The following SHCBP1 variants were observed in gnomAD, a reference collection of about 807,000 sequenced individuals.
SHCBP1 encodes the protein SHC SH2 domain-binding protein 1.
SHCBP1 carries 60 observed loss-of-function variants against 75.1 expected under a neutral mutation model. The observed-to-expected ratio is 0.80, with a 90% CI of 0.65 to 0.99. The LOEUF (loss-of-function observed/expected upper bound fraction) is 0.99, where lower values mean the gene tolerates loss of function less well. Among genes scored for constraint, SHCBP1 ranks in the 50% least tolerant of loss-of-function variants. The pLI is 0.00. For synonymous variants in SHCBP1, 290 were observed against 293.2 expected (o/e 0.99, Z 0.11); for missense variants, 709 against 809.4 (o/e 0.88, Z 1.50).
At chr16:46,618,736 G>A (rs1965541827) in intron 1 of SHCBP1, among the ~76,000 whole-genome samples, 1 of 152,120 alleles carries the variant, frequency 6.6e-6, no homozygotes, top group South Asian at 2.1e-4. Context: ...CAAACTCCTG[G>A]ACTCAAGCTA....
intron 10 of SHCBP1, among the ~76,000 whole-genome samples, chr16:46,588,092 G>A (rs1159323446): frequency 6.6e-6 from 1 of 151,992 alleles, no homozygotes; most frequent in Admixed American, 6.6e-5. Context: ...CGAAATGAAG[G>A]CACAAACAAA....
rs758719965 is a variant in SHCBP1, at chr16:46,618,339, C to A, written c.137G>T (p.Cys46Phe). The A allele has an allele frequency of 6.2e-7, 1 of 1,610,360 alleles. No individual in the cohort carries two copies. Residue 46 changes from cysteine to phenylalanine, a missense_variant, in exon 2 of 13, where the codon TGT becomes TTT. By Grantham distance (205) the Cys-to-Phe change is radical. Transcript: ENST00000303383. The part of the protein sequence containing the change: ...LFQDEDSCSD[C>F]SYRDKPGSSL... ...AGAACCTGGTTTATCACGGTAGCTA[C>A]AATCACTGCATGAATCTTCATCTTG...
At chr16:46,585,079 A>C (rs557424630) in intron 10 of SHCBP1, among the ~76,000 whole-genome samples, 2 of 152,312 alleles carry the variant, frequency 1.3e-5, no homozygotes, top group African/African-American at 4.8e-5. Flanking sequence ...TATGTGCAAA[A>C]AAAGATTTTG....
At chr16:46,605,230 A>G (rs1363889648) in intron 5 of SHCBP1, among the ~76,000 whole-genome samples, 3 of 152,248 alleles carry the variant, frequency 2.0e-5, no homozygotes, top group African/African-American at 7.2e-5. Flanking sequence ...GTATTTCTAG[A>G]TGCAATAAAA....
chr16:46,582,013 C>T lies in SHCBP1; in HGVS notation c.1735G>A (p.Val579Met). 1.2e-6 allele frequency: 2 copies of T among 1,613,262 alleles called. No homozygotes were observed. Among genetic ancestry groups the T allele is most frequent in the Non-Finnish European group, 1.7e-6 (2 of 1,179,646 alleles). The stretch of plus-strand genomic sequence containing the variant: ...TCTTCTAGATCCACTCTTTCAGCCA[C>T]ATCTGGCTCTCCACTTGTCTGAATT... Reference protein sequence around the residue: ...LKIQTSGEPDVAERVDLEELI... With the variant: ...LKIQTSGEPDMAERVDLEELI... Residue 579 changes from valine (V) to methionine (M), a missense_variant, in exon 13 of 13, where the codon GTG becomes ATG. Coordinates refer to ENST00000303383, the MANE Select transcript of SHCBP1 (RefSeq NM_024745.5).
intron 4 of SHCBP1, among the ~76,000 whole-genome samples, chr16:46,609,482 G>A (rs1183093059): frequency 1.9e-5 from 2 of 107,862 alleles, no homozygotes; most frequent in Non-Finnish European, 3.4e-5. Context: ...ATGGAGTCTC[G>A]CTCTTGTGGC....
chr16:46,592,737 A>C (rs958365518), intron 10 of SHCBP1, among the ~76,000 whole-genome samples: 1 of 151,920 alleles, frequency 6.6e-6, no homozygotes, highest in African/African-American at 2.4e-5. Flanking sequence ...TATAAAAATA[A>C]TTATATACCA....
At chr16:46,590,252 G>A (rs1383812544) in intron 10 of SHCBP1, among the ~76,000 whole-genome samples, 3 of 152,048 alleles carry the variant, frequency 2.0e-5, no homozygotes, top group South Asian at 2.1e-4. Flanking sequence ...CAGGACATAC[G>A]CATGGCAGGA....
At chr16:46,608,467 A>G in intron 4 of SHCBP1, 78 bp from the exon 5 acceptor site, 1 of 912,396 alleles carries the variant, frequency 1.1e-6, no homozygotes, top group African/African-American at 1.6e-5. Flanking sequence ...AGAGCTAAAG[A>G]GTAAATCAAA....
chr16:46,593,205 T>C (rs1376842234), intron 10 of SHCBP1, among the ~76,000 whole-genome samples: 1 of 151,972 alleles, frequency 6.6e-6, no homozygotes, highest in African/African-American at 2.4e-5. Flanking sequence ...TTACTCTCTA[T>C]ATAGAAAATC....
chr16:46,591,363 A>T (rs1006866472), intron 10 of SHCBP1, among the ~76,000 whole-genome samples: 1 of 152,164 alleles, frequency 6.6e-6, no homozygotes, highest in Non-Finnish European at 1.5e-5. Flanking sequence ...TAATCAAAGG[A>T]AAGCAGGTGT....
At chr16:46,592,665 A>G (rs1274525143) in intron 10 of SHCBP1, among the ~76,000 whole-genome samples, 1 of 152,070 alleles carries the variant, frequency 6.6e-6, no homozygotes, top group Non-Finnish European at 1.5e-5. Context: ...CTAGAGTCCA[A>G]TATTCATGAA....
intron 4 of SHCBP1, among the ~76,000 whole-genome samples, chr16:46,612,971 T>G (rs375157302): frequency 6.6e-6 from 1 of 152,164 alleles, no homozygotes; most frequent in African/African-American, 2.4e-5. Context: ...ATCCCCACTC[T>G]AGTCCTCTCT....
At chr16:46,595,318 A>C (rs1168845668) in intron 10 of SHCBP1, among the ~76,000 whole-genome samples, 2 of 152,184 alleles carry the variant, frequency 1.3e-5, no homozygotes, top group Non-Finnish European at 2.9e-5. Context: ...TATAATTTTA[A>C]GGGTCTAAAC....
chr16:46,581,631 T>C lies in SHCBP1; in HGVS notation c.*98A>G, dbSNP rs184151080. 1,089 of 1,132,690 alleles carry C rather than the reference T, an allele frequency of 9.6e-4. 6 individuals carry two copies. Among genetic ancestry groups the C allele is most frequent in the Middle Eastern group, 3.7e-3 (18 of 4,882 alleles). 70.2% of individuals were successfully genotyped at this position (1,132,690 alleles called of 1,614,324 possible). ...TCACTCAAGCCCAAATAATCAAATA[T>C]AAAATACAGACAATACAGCAAACTA... On this transcript the variant is annotated 3_prime_UTR_variant, in exon 13 of 13. Transcript: ENST00000303383.
At position 46,618,331 on chromosome 16, in the gene SHCBP1, G is replaced by A. The variant is rs750821378; in HGVS notation, c.145C>T (p.Arg49Cys). The A allele has an allele frequency of 9.3e-6, 15 of 1,611,720 alleles. No individual in the cohort carries two copies. Among genetic ancestry groups the A allele is most frequent in the Admixed American group, 5.0e-5 (3 of 59,672 alleles). ...TGTAAACTAGAACCTGGTTTATCAC[G>A]GTAGCTACAATCACTGCATGAATCT... ...DEDSCSDCSYRDKPGSSLQSF... is the reference protein window; with the variant it reads ...DEDSCSDCSYCDKPGSSLQSF... Residue 49 changes from arginine (R) to cysteine (C), a missense_variant, in exon 2 of 13, where the codon CGT becomes TGT. Transcript: ENST00000303383.
intron 7 of SHCBP1, 110 bp from the exon 8 acceptor site, chr16:46,603,769 A>G: frequency 7.0e-7 from 1 of 1,425,956 alleles, no homozygotes; most frequent in African/African-American, 1.4e-5. Context: ...CAAAAACTGC[A>G]TATTGAAGCA....
intron 4 of SHCBP1, among the ~76,000 whole-genome samples, chr16:46,614,178 G>T (rs546831137): frequency 6.6e-6 from 1 of 152,064 alleles, no homozygotes; most frequent in South Asian, 2.1e-4. Flanking sequence ...GAACATCTAG[G>T]GTTAAATGTT....
chr16:46,618,605 G>T (rs747350361), intron 1 of SHCBP1, among the ~76,000 whole-genome samples: 1 of 152,088 alleles, frequency 6.6e-6, no homozygotes, highest in Admixed American at 6.6e-5. Flanking sequence ...TTAGATTTTT[G>T]TTGTTGTTCT....
Sources: allele counts gnomAD v4.1 joint callset (sites outside exome capture counted in the v4.1 genomes callset), GRCh38; gene constraint gnomAD v4.1.1; transcripts MANE v1.5; gene names NCBI Gene and HGNC (gene_info 2026-07-23, HGNC 2026-07-21).